MILR1: variants seen among roughly 807,000 people sequenced by gnomAD.
MILR1 encodes the protein allergin-1.
A neutral mutation model predicts 18.5 loss-of-function variants in MILR1; 31 were observed. That is an observed-to-expected ratio of 1.68 (90% CI 1.26 to 2.26). The LOEUF is 2.26. Among genes scored for constraint, MILR1 ranks in the 30% most tolerant of loss-of-function variants. The probability of loss-of-function intolerance (pLI) is 0.00; values close to 1 mark genes in which losing one functional copy is unlikely to be tolerated. For missense variants in MILR1, 257 were observed against 157.4 expected (o/e 1.63, Z -3.38); for synonymous variants, 85 against 56.2 (o/e 1.51, Z -2.30).
Position 64,460,951 on chromosome 17 carries a change from T to C in MILR1, c.763+19T>C, listed in dbSNP as rs1293765836. 6.3e-6 allele frequency: 3 copies of C among 472,900 alleles called. No individual in the cohort carries two copies. The highest frequency in any genetic ancestry group is 1.2e-5 in the Non-Finnish European group (3 of 257,620). 29.3% of individuals were successfully genotyped at this position (472,900 alleles called of 1,614,324 possible). ...AAAACAAGTAAGTTCTTTTAGTCGCTTTACCACCCGTTTTCCCGTGGGCTT... is the reference window on the plus strand; with the variant it reads ...AAAACAAGTAAGTTCTTTTAGTCGCCTTACCACCCGTTTTCCCGTGGGCTT... On this transcript the variant is annotated intron_variant, in intron 5 of 9. Transcript: ENST00000619286.
In MILR1 at chr17:64,452,689, C is replaced by T. The variant is rs1195705882; in HGVS notation, c.190C>T (p.Gln64Ter). 12 of 474,160 alleles carry T rather than the reference C, an allele frequency of 2.5e-5. No individual in the cohort carries two copies. The highest frequency in any genetic ancestry group is 3.9e-5 in the Non-Finnish European group (10 of 258,606). The allele number at this position is 474,160 out of a possible 1,614,324, so 29.4% of individuals were successfully genotyped here. A position where few individuals can be genotyped will look rare whatever the true frequency, so the allele number is the denominator to read the frequency against. Residue 64 changes from glutamine to a stop codon, truncating the protein, a stop_gained, in exon 3 of 10, where the codon CAG (glutamine) becomes TAG (stop). Transcript: ENST00000619286. LOFTEE classifies it high-confidence loss of function. The part of the protein sequence containing the change: ...MFCSHKNKSL[Q>*]ITYSLFRRKT... ...TTGTTCCCATAAGAACAAATCACTG[C>T]AGATCACCTATTCATTGTTTCGACG... is the stretch of plus-strand genomic sequence containing the variant.
At chr17:64,474,626 C>A in the MILR1 span, among the ~76,000 whole-genome samples, 1 of 152,068 alleles carries the variant, frequency 6.6e-6, no homozygotes, top group African/African-American at 2.4e-5. Context: ...CCTCCTGTCT[C>A]AGCCTCCCAA....
At chr17:64,459,056 A>G (rs2037365958) in intron 4 of MILR1, among the ~76,000 whole-genome samples, 1 of 152,200 alleles carries the variant, frequency 6.6e-6, no homozygotes, top group Non-Finnish European at 1.5e-5. Flanking sequence ...CCTGATGCCA[A>G]ACTCTGGAAA....
chr17:64,456,392 GCAGA>G (rs2037301888), intron 3 of MILR1, among the ~76,000 whole-genome samples: 1 of 152,116 alleles, frequency 6.6e-6, no homozygotes, highest in African/African-American at 2.4e-5. Context: ...ACAGAGTGTA[GCAGA>G]CCCATTTCCT....
intron 3 of MILR1, among the ~76,000 whole-genome samples, chr17:64,453,536 C>CTT (rs35572128): frequency 0.04 from 4,014 of 100,802 alleles, 422 homozygotes; most frequent in African/African-American, 0.13. Context: ...GCAAAAATCG[C>CTT]TTTTTTTTTT....
chr17:64,474,852 A>G, the MILR1 span, among the ~76,000 whole-genome samples: 3 of 152,116 alleles, frequency 2.0e-5, no homozygotes, highest in Non-Finnish European at 4.4e-5. Context: ...CAATCTCTAC[A>G]GTAGTTATTA....
chr17:64,496,715 T>C, the MILR1 span: 1 of 1,614,096 alleles, frequency 6.2e-7, no homozygotes, highest in Non-Finnish European at 8.5e-7. Context: ...CCGGCTAAGC[T>C]GCTGCTTGCT....
intron 9 of MILR1, 101 bp downstream of exon 9, chr17:64,467,746 C>T (rs1358809619): frequency 3.1e-6 from 2 of 646,972 alleles, no homozygotes; most frequent in Non-Finnish European, 5.3e-6. Flanking sequence ...CCAGCCTGGC[C>T]AACATGGCAA....
At chr17:64,482,847 G>A in the MILR1 span, 3 of 888,636 alleles carry the variant, frequency 3.4e-6, no homozygotes, top group East Asian at 7.3e-5. Flanking sequence ...ATCCAAAATG[G>A]TCCTGGTCCA....
At chr17:64,456,052 G>T (rs2037293561) in intron 3 of MILR1, among the ~76,000 whole-genome samples, 1 of 151,832 alleles carries the variant, frequency 6.6e-6, no homozygotes, top group African/African-American at 2.4e-5. Flanking sequence ...AAACAGAAAA[G>T]AAAGTAAATA....
rs1047190709 is a variant in MILR1 at position 64,450,223 on chromosome 17, A to C, written c.97+868A>C. Among the ~76,000 whole-genome samples the C allele has an allele frequency of 9.4e-4, 142 of 151,364 alleles. 2 individuals carry two copies. Among genetic ancestry groups the C allele is most frequent in the African/African-American group, 2.9e-3 (118 of 41,232 alleles). On this transcript the variant is annotated intron_variant, in intron 2 of 9. Coordinates refer to ENST00000619286, the MANE Select transcript of MILR1 (RefSeq NM_001085423.2). ...AAAGTGCTGGGATTACAGGCGTGAG[A>C]CACTGTAATTTATTTCATCTGTGAA...
the MILR1 span, chr17:64,483,976 A>G: frequency 3.3e-5 from 5 of 152,212 alleles, no homozygotes; most frequent in Admixed American, 1.3e-4. Context: ...TGGCTTCCCA[A>G]AGTGCTGGGA....
chr17:64,458,284 C>T (rs1398288579), intron 4 of MILR1, among the ~76,000 whole-genome samples: 1 of 151,362 alleles, frequency 6.6e-6, no homozygotes, highest in African/African-American at 2.4e-5. Flanking sequence ...GTGATCTCAG[C>T]TCATTGCAAC....
At chr17:64,477,270 G>A in the MILR1 span, among the ~76,000 whole-genome samples, 1 of 152,170 alleles carries the variant, frequency 6.6e-6, no homozygotes, top group African/African-American at 2.4e-5. Context: ...CATTCCCTTG[G>A]ATGGTGATTT....
chr17:64,474,525 C>A, the MILR1 span, among the ~76,000 whole-genome samples: 1 of 152,146 alleles, frequency 6.6e-6, no homozygotes, highest in Non-Finnish European at 1.5e-5. Flanking sequence ...TAGGCCTGAG[C>A]CACTATGACT....
At chr17:64,473,087 C>T (rs781918208), downstream of MILR1, among the ~76,000 whole-genome samples, 50 of 152,072 alleles carry the variant, frequency 3.3e-4, 1 homozygote, top group Non-Finnish European at 5.6e-4. Context: ...TGGTGGCTCA[C>T]GCCTGTAATC....
intron 5 of MILR1, among the ~76,000 whole-genome samples, chr17:64,464,012 T>C (rs1037189963): frequency 2.0e-5 from 3 of 151,398 alleles, no homozygotes; most frequent in Non-Finnish European, 4.4e-5. Context: ...TTAGTAGAGA[T>C]GGGGTTTCAC....
chr17:64,462,024 G>A (rs903805227), intron 5 of MILR1, among the ~76,000 whole-genome samples: 2 of 152,186 alleles, frequency 1.3e-5, no homozygotes, highest in East Asian at 1.9e-4. Context: ...ATGGGTACCC[G>A]GGTTGCTTCC....
the MILR1 span, chr17:64,482,979 AC>A: frequency 6.2e-7 from 1 of 1,605,116 alleles, no homozygotes. Flanking sequence ...TAGGGGCTAA[AC>A]AAGGGTGAAG....
Sources: gnomAD v4.1 joint callset for allele counts (sites outside exome capture counted in the v4.1 genomes callset) on GRCh38, gnomAD v4.1.1 for gene constraint, MANE v1.5 for transcripts, NCBI Gene and HGNC (gene_info 2026-07-23, HGNC 2026-07-21) for gene names.